PHLDB2: variants seen among roughly 807,000 people sequenced by gnomAD.
PHLDB2 encodes the protein pleckstrin homology like domain family B member 2, also known as pleckstrin homology-like domain family B member 2.
A neutral mutation model predicts 123.6 loss-of-function variants in PHLDB2; 71 were observed. The observed-to-expected ratio is 0.57, with a 90% CI of 0.47 to 0.70. The LOEUF is 0.70. Ranked by LOEUF, PHLDB2 falls within the 30% of genes least tolerant of loss-of-function variation. PHLDB2 has a pLI of 0.00. For synonymous variants in PHLDB2, 547 were observed against 541.6 expected (o/e 1.01, Z -0.14); for missense variants, 1,446 against 1,519.5 (o/e 0.95, Z 0.80).
intron 1 of PHLDB2, among the ~76,000 whole-genome samples, chr3:111,777,740 TAGC>T (rs1323709161): frequency 6.6e-6 from 1 of 152,144 alleles, no homozygotes; most frequent in East Asian, 1.9e-4. Context: ...AAAAAAGAAT[TAGC>T]AGTCCTATCA....
At chr3:111,945,404 G>C in intron 9 of PHLDB2, 47 bp downstream of exon 9, 1 of 1,368,232 alleles carries the variant, frequency 7.3e-7, no homozygotes. Flanking sequence ...TAGAAATCAG[G>C]AGATGTATTT....
At chr3:111,793,939 A>T (rs889182691) in intron 1 of PHLDB2, among the ~76,000 whole-genome samples, 3 of 151,130 alleles carry the variant, frequency 2.0e-5, no homozygotes, top group African/African-American at 7.3e-5. Context: ...AAGCAGAAGA[A>T]AGGAATCAGA....
At position 111,885,301 on chromosome 3, in the gene PHLDB2, C is replaced by T. The variant is rs768074664; in HGVS notation, c.1224C>T (p.Ala408=). The change falls in exon 2 of 18, where the codon GCC becomes GCT. Residue 408 remains alanine, a synonymous_variant. Transcript: ENST00000431670. Reference sequence around the variant, plus strand: ...AGGCCTCAGGAACCCCCCAGCCTGCCCTTCGGGAACGGAAAAGCAGTATTA... The same window carrying T: ...AGGCCTCAGGAACCCCCCAGCCTGCTCTTCGGGAACGGAAAAGCAGTATTA... ...LRQASGTPQP[A]LRERKSSISS... is the part of the protein sequence containing the mutation. 6.2e-7 allele frequency: 1 copy of T among 1,614,120 alleles called. No individual in the cohort carries two copies. Among genetic ancestry groups the T allele is most frequent in the Non-Finnish European group, 8.5e-7 (1 of 1,180,026 alleles).
chr3:111,830,136 A>G (rs1325727357), intron 1 of PHLDB2, among the ~76,000 whole-genome samples: 1 of 152,192 alleles, frequency 6.6e-6, no homozygotes, highest in Non-Finnish European at 1.5e-5. Flanking sequence ...GCAGGCCTCC[A>G]CTTTCTCTGC....
chr3:111,877,477 A>G (rs2065691980), intron 1 of PHLDB2, among the ~76,000 whole-genome samples: 1 of 152,210 alleles, frequency 6.6e-6, no homozygotes, highest in Non-Finnish European at 1.5e-5. Context: ...GCCCTTTGTC[A>G]GATGAGTAGA....
intron 6 of PHLDB2, among the ~76,000 whole-genome samples, chr3:111,935,779 C>T (rs145708527): frequency 6.6e-6 from 1 of 152,128 alleles, no homozygotes. Context: ...TATATTCTAG[C>T]CACTCTGGCA....
At chr3:111,904,482 C>T (rs1196611406) in intron 2 of PHLDB2, among the ~76,000 whole-genome samples, 1 of 152,130 alleles carries the variant, frequency 6.6e-6, no homozygotes, top group African/African-American at 2.4e-5. Flanking sequence ...GATGTCCAGT[C>T]TGCATAAAGG....
intron 1 of PHLDB2, among the ~76,000 whole-genome samples, chr3:111,820,763 T>C (rs1171425648): frequency 6.6e-6 from 1 of 152,210 alleles, no homozygotes; most frequent in Non-Finnish European, 1.5e-5. Flanking sequence ...GCAAAGAAGA[T>C]AGGGCCAGAG....
At chr3:111,969,988 T>C in intron 16 of PHLDB2, 79 bp downstream of exon 16, 3 of 1,332,868 alleles carry the variant, frequency 2.3e-6, no homozygotes, top group East Asian at 2.3e-5. Flanking sequence ...TGAAATTCAG[T>C]GTAAATAGGT....
intron 2 of PHLDB2, 48 bp from the exon 3 acceptor site, chr3:111,913,271 A>G (rs2107504651): frequency 6.5e-7 from 1 of 1,527,540 alleles, no homozygotes; most frequent in African/African-American, 1.4e-5. Context: ...TTGGAGTAGT[A>G]TTCATTCTCA....
chr3:111,839,940 CTTTTT>C (rs3082317), intron 1 of PHLDB2, among the ~76,000 whole-genome samples: 2 of 64,946 alleles, frequency 3.1e-5, no homozygotes, highest in Non-Finnish European at 5.1e-5. Flanking sequence ...CCCACCCCCG[CTTTTT>C]TTTTTTTTTT....
chr3:111,852,614 T>G, intron 2 of PHLDB2, among the ~76,000 whole-genome samples: 1 of 152,076 alleles, frequency 6.6e-6, no homozygotes, highest in East Asian at 1.9e-4. Context: ...GTTGGTTTCT[T>G]TTTTCCATGA....
chr3:111,835,953 G>C (rs2063376738), intron 1 of PHLDB2, among the ~76,000 whole-genome samples: 1 of 152,160 alleles, frequency 6.6e-6, no homozygotes, highest in Non-Finnish European at 1.5e-5. Flanking sequence ...GGCCCATCCA[G>C]ATCCAAGGGG....
At chr3:111,938,011 A>G (rs897570438) in intron 6 of PHLDB2, among the ~76,000 whole-genome samples, 4 of 152,136 alleles carry the variant, frequency 2.6e-5, no homozygotes, top group Admixed American at 2.6e-4. Context: ...TCTGATTTTC[A>G]TAATTTCTGA....
At chr3:111,934,759 T>A (rs2069364277) in intron 6 of PHLDB2, among the ~76,000 whole-genome samples, 1 of 152,204 alleles carries the variant, frequency 6.6e-6, no homozygotes, top group South Asian at 2.1e-4. Context: ...AGAAAACTGA[T>A]GTTAAATGAA....
intron 1 of PHLDB2, among the ~76,000 whole-genome samples, chr3:111,814,578 C>T (rs1202397992): frequency 6.6e-6 from 1 of 150,784 alleles, no homozygotes; most frequent in African/African-American, 2.4e-5. Flanking sequence ...TAGATGTCTG[C>T]ATGGTTCATG....
intron 1 of PHLDB2, among the ~76,000 whole-genome samples, chr3:111,821,099 C>T (rs2062355256): frequency 6.6e-6 from 1 of 152,124 alleles, no homozygotes; most frequent in African/African-American, 2.4e-5. Flanking sequence ...ATGTCAGGGT[C>T]CCCAGTGATT....
intron 1 of PHLDB2, among the ~76,000 whole-genome samples, chr3:111,747,961 G>A (rs1216177127): frequency 1.4e-4 from 22 of 152,192 alleles, no homozygotes; most frequent in African/African-American, 2.4e-5. Context: ...ATGCGCTGGA[G>A]CTTCTGGTCC....
chr3:111,822,317 G>GTGTGTGTGTGTGTGTGTGTA lies in PHLDB2; in HGVS notation c.-48-23503_-48-23502insGTGTGTGTGTGTGTGTGTAT, dbSNP rs1553734228. On this transcript the variant is annotated intron_variant, in intron 1 of 17. Transcript: ENST00000393923. ...TGTATGTGTGTGTGTGTGTGTGTGT[G>GTGTGTGTGTGTGTGTGTGTA]TATATATATATATATAATGGTACAC... 1.1e-4 allele frequency among the ~76,000 whole-genome samples: 17 copies of GTGTGTGTGTGTGTGTGTGTA among 147,914 alleles called. 1 individual carries two copies. Among genetic ancestry groups the GTGTGTGTGTGTGTGTGTGTA allele is most frequent in the African/African-American group, 3.3e-4 (13 of 39,428 alleles).
Sources: gnomAD v4.1 joint callset for allele counts (sites outside exome capture counted in the v4.1 genomes callset) on GRCh38, gnomAD v4.1.1 for gene constraint, MANE v1.5 for transcripts, NCBI Gene and HGNC (gene_info 2026-07-23, HGNC 2026-07-21) for gene names.